Variants in PLA2G4A observed in about 807,000 individuals in gnomAD.
PLA2G4A encodes the protein cytosolic phospholipase A2.
Under a neutral mutation model 81.9 loss-of-function variants are expected in PLA2G4A, and 40 were observed. The ratio of observed to expected loss-of-function variants is 0.49; its 90% CI spans 0.38 to 0.64. The LOEUF is 0.64. Among genes scored for constraint, PLA2G4A ranks in the 30% least tolerant of loss-of-function variants. The pLI, the probability that PLA2G4A is intolerant of heterozygous loss-of-function variation, is 0.00. For missense variants in PLA2G4A, 715 were observed against 905.1 expected (o/e 0.79, Z 2.69); for synonymous variants, 302 against 296.9 (o/e 1.02, Z -0.18).
At chr1:186,836,327 A>C (rs1323966456) in intron 1 of PLA2G4A, among the ~76,000 whole-genome samples, 1 of 151,060 alleles carries the variant, frequency 6.6e-6, no homozygotes, top group Non-Finnish European at 1.5e-5. Flanking sequence ...ATTATATATT[A>C]ATATGTACAT....
chr1:186,938,697 C>G (rs1656040136), intron 8 of PLA2G4A, among the ~76,000 whole-genome samples: 1 of 152,122 alleles, frequency 6.6e-6, no homozygotes, highest in Non-Finnish European at 1.5e-5. Flanking sequence ...ATCTCTAATA[C>G]TCTGATAGAG....
intron 5 of PLA2G4A, among the ~76,000 whole-genome samples, chr1:186,901,446 C>T (rs1654538256): frequency 6.6e-6 from 1 of 152,134 alleles, no homozygotes; most frequent in South Asian, 2.1e-4. Flanking sequence ...TGTACCCATC[C>T]TGGCACACAT....
Position 186,988,663 on chromosome 1 carries a change from T to C in PLA2G4A, c.*155T>C. On this transcript the variant is annotated 3_prime_UTR_variant, in exon 18 of 18. Coordinates refer to ENST00000367466, the MANE Select transcript of PLA2G4A (RefSeq NM_024420.3). Reference sequence around the variant, plus strand: ...TTACTTAGCTGCATGAGAATAATACTATTATAAGTTAGGTTGACAAATGAT... The same window carrying C: ...TTACTTAGCTGCATGAGAATAATACCATTATAAGTTAGGTTGACAAATGAT... The C allele has an allele frequency of 4.8e-6, 3 of 622,358 alleles. No homozygotes were observed. Among genetic ancestry groups the C allele is most frequent in the South Asian group, 1.6e-5 (1 of 61,888 alleles). The allele number at this position is 622,358 out of a possible 1,614,324, so 38.6% of individuals were successfully genotyped here.
chr1:186,888,569 G>A (rs1654021508), intron 3 of PLA2G4A, among the ~76,000 whole-genome samples: 1 of 152,188 alleles, frequency 6.6e-6, no homozygotes, highest in South Asian at 2.1e-4. Context: ...AGTCACTGGG[G>A]TAGTGTAACT....
chr1:186,921,698 G>A (rs1422841487), intron 7 of PLA2G4A, among the ~76,000 whole-genome samples: 2 of 152,040 alleles, frequency 1.3e-5, no homozygotes, highest in African/African-American at 4.8e-5. Flanking sequence ...TAAGGAGGGG[G>A]TACTGCTGAT....
chr1:186,979,585 C>T (rs1187366548), intron 17 of PLA2G4A, 113 bp downstream of exon 17: 3 of 720,964 alleles, frequency 4.2e-6, no homozygotes, highest in Non-Finnish European at 2.4e-6. Context: ...ATGACACCAC[C>T]CAAAATATGC....
At position 186,932,768 on chromosome 1, in the gene PLA2G4A, T is replaced by A. The variant is rs1317601565; in HGVS notation, c.564T>A (p.Pro188=). 6.2e-7 allele frequency: 1 copy of A among 1,613,728 alleles called. No individual in the cohort carries two copies. Among genetic ancestry groups the A allele is most frequent in the East Asian group, 2.2e-5 (1 of 44,878 alleles). Residue 188 remains proline, a synonymous_variant, in exon 8 of 18, where the codon CCT becomes CCA. Coordinates refer to ENST00000367466, the MANE Select transcript of PLA2G4A (RefSeq NM_024420.3). ...SEGLHSARDV[P]VVAILGSGGG... ...TCTCTGTTGCATCGTTTCAGGTGCC[T>A]GTGGTAGCCATATTGGGTTCAGGTG...
intron 1 of PLA2G4A, among the ~76,000 whole-genome samples, chr1:186,842,019 T>C (rs1288277750): frequency 6.6e-6 from 1 of 151,122 alleles, no homozygotes; most frequent in African/African-American, 2.4e-5. Flanking sequence ...ATCTTCACCA[T>C]CCTAGTTGAG....
intron 5 of PLA2G4A, among the ~76,000 whole-genome samples, chr1:186,896,911 G>C (rs1035317995): frequency 6.6e-6 from 1 of 152,038 alleles, no homozygotes; most frequent in African/African-American, 2.4e-5. Flanking sequence ...CAGATCATGT[G>C]GGAGTGCCCT....
intron 3 of PLA2G4A, among the ~76,000 whole-genome samples, chr1:186,879,323 G>C (rs1653639672): frequency 6.6e-6 from 1 of 151,940 alleles, no homozygotes; most frequent in Admixed American, 6.6e-5. Context: ...ATATAACCCA[G>C]TGCGTATTCC....
chr1:186,963,814 T>C (rs909686531), intron 14 of PLA2G4A, among the ~76,000 whole-genome samples: 2 of 152,248 alleles, frequency 1.3e-5, no homozygotes, highest in African/African-American at 4.8e-5. Flanking sequence ...AAAGTATTAA[T>C]AACTATGCCA....
At chr1:186,932,208 AGAGT>A (rs1655770928) in intron 7 of PLA2G4A, among the ~76,000 whole-genome samples, 1 of 152,182 alleles carries the variant, frequency 6.6e-6, no homozygotes. Context: ...ATTATTAAAT[AGAGT>A]AAGTTGGTCA....
chr1:186,911,161 G>T, intron 6 of PLA2G4A, 87 bp from the exon 7 acceptor site: 1 of 1,038,330 alleles, frequency 9.6e-7, no homozygotes, highest in Non-Finnish European at 1.5e-6. Flanking sequence ...TATCAGTGTA[G>T]CTCCTAGGGA....
In PLA2G4A at chr1:186,941,442, A is replaced by G. The variant is rs568647743; in HGVS notation, c.1033+1348A>G. Among the ~76,000 whole-genome samples the G allele has an allele frequency of 1.4e-4, 22 of 152,334 alleles. No homozygotes were observed. In the South Asian group the frequency reaches 4.3e-3, roughly 30 times the overall value. ...TAAAATATTGGCTAAAATGTTTGTC[A>G]TGCTTATGGTTCAGAACGCACTTAT... is the stretch of plus-strand genomic sequence containing the variant. On this transcript the variant is annotated intron_variant, in intron 10 of 17. Coordinates refer to ENST00000367466, the MANE Select transcript of PLA2G4A (RefSeq NM_024420.3).
intron 17 of PLA2G4A, among the ~76,000 whole-genome samples, chr1:186,981,682 T>C (rs1657722292): frequency 6.6e-6 from 1 of 152,092 alleles, no homozygotes; most frequent in African/African-American, 2.4e-5. Flanking sequence ...ACATTTTACA[T>C]CCTCCCAAAC....
chr1:186,904,430 A>G (rs957013176), intron 5 of PLA2G4A, among the ~76,000 whole-genome samples: 6 of 152,242 alleles, frequency 3.9e-5, no homozygotes, highest in Non-Finnish European at 7.3e-5. Context: ...CACAGGAAGT[A>G]CGTTTTTATC....
chr1:186,846,350 G>T lies in PLA2G4A; in HGVS notation c.-69-7936G>T, dbSNP rs780749422. Among the ~76,000 whole-genome samples, 10 of 152,214 alleles carry T rather than the reference G, an allele frequency of 6.6e-5. No individual in the cohort carries two copies. The South Asian group carries it at 1.7e-3, about 25-fold the overall frequency. On this transcript the variant is annotated intron_variant, in intron 1 of 17. Transcript: ENST00000367466. ...TATTTCAGTAATTTCTTCATAGGAGGTCTTTGTTTCTTCCCTTGAACATAA... is the reference window on the plus strand; with the variant it reads ...TATTTCAGTAATTTCTTCATAGGAGTTCTTTGTTTCTTCCCTTGAACATAA...
At chr1:186,866,554 A>G (rs1302155246) in intron 2 of PLA2G4A, among the ~76,000 whole-genome samples, 4 of 152,198 alleles carry the variant, frequency 2.6e-5, no homozygotes, top group Admixed American at 1.3e-4. Context: ...TTCACATTCA[A>G]TGAGTCCTTA....
At chr1:186,942,712 G>A (rs1371465455) in intron 10 of PLA2G4A, among the ~76,000 whole-genome samples, 2 of 152,100 alleles carry the variant, frequency 1.3e-5, no homozygotes, top group East Asian at 3.9e-4. Context: ...AATAATATTT[G>A]GGTGAGTGGA....
Sources: gnomAD v4.1 joint callset for allele counts (sites outside exome capture counted in the v4.1 genomes callset) on GRCh38, gnomAD v4.1.1 for gene constraint, MANE v1.5 for transcripts, NCBI Gene and HGNC (gene_info 2026-07-23, HGNC 2026-07-21) for gene names.